The following NBAS variants were observed in gnomAD, a reference collection of about 807,000 sequenced individuals.
NBAS encodes the protein NBAS subunit of NRZ tethering complex, also known as NAG/BC035112 fusion.
A neutral mutation model predicts 302.5 loss-of-function variants in NBAS; 219 were observed. The ratio of observed to expected loss-of-function variants is 0.72; its 90% CI spans 0.65 to 0.81. The LOEUF is 0.81. Among genes scored for constraint, NBAS ranks in the 30% least tolerant of loss-of-function variants. NBAS has a pLI of 0.00. For missense variants in NBAS, 2,932 were observed against 2,841.6 expected (o/e 1.03, Z -0.72); for synonymous variants, 1,118 against 1,021.6 (o/e 1.09, Z -1.80).
In NBAS at chr2:15,440,681, G is replaced by A. The variant is rs900348573; in HGVS notation, c.2340-12887C>T. ...GGAGAATGACTTTGATGAGTTGAGA[G>A]AAGGCTTCAGATGATCCAACTACTC... On this transcript the variant is annotated intron_variant, in intron 21 of 51. Transcript: ENST00000281513. 3.3e-5 allele frequency among the ~76,000 whole-genome samples: 5 copies of A among 152,220 alleles called. No individual in the cohort carries two copies. In the South Asian group the frequency reaches 1.0e-3, roughly 32 times the overall value.
chr2:15,502,469 T>C (rs528905009), intron 11 of NBAS, among the ~76,000 whole-genome samples: 12 of 152,320 alleles, frequency 7.9e-5, no homozygotes, highest in African/African-American at 2.9e-4. Context: ...TGGGATAGCC[T>C]ACTACGCACC....
chr2:15,221,893 CTT>C (rs766534139), intron 47 of NBAS, among the ~76,000 whole-genome samples: 1 of 152,190 alleles, frequency 6.6e-6, no homozygotes, highest in Non-Finnish European at 1.5e-5. Flanking sequence ...CAGTTTAACT[CTT>C]TGACAGCACA....
intron 50 of NBAS, among the ~76,000 whole-genome samples, chr2:15,184,679 G>A (rs1349347070): frequency 6.6e-6 from 1 of 152,174 alleles, no homozygotes; most frequent in African/African-American, 2.4e-5. Flanking sequence ...CTCCTGCAGT[G>A]CAGTCTGGTA....
chr2:14,809,437 G>A, the NBAS span, among the ~76,000 whole-genome samples: 1 of 152,214 alleles, frequency 6.6e-6, no homozygotes, highest in Non-Finnish European at 1.5e-5. Flanking sequence ...TACAGCTTGG[G>A]CTGTTGCTTC....
At chr2:15,397,606 A>ACCG in intron 26 of NBAS, 1 of 601,556 alleles carries the variant, frequency 1.7e-6, no homozygotes, top group Admixed American at 2.0e-5. Flanking sequence ...CATAGGTTTC[A>ACCG]AAGACGCTCG....
chr2:14,826,159 C>G, the NBAS span, among the ~76,000 whole-genome samples: 3 of 152,146 alleles, frequency 2.0e-5, no homozygotes, highest in Non-Finnish European at 2.9e-5. Context: ...AAGTTCAGGG[C>G]TTCTCACTGG....
the NBAS span, among the ~76,000 whole-genome samples, chr2:14,925,071 T>C: frequency 6.6e-6 from 1 of 152,218 alleles, no homozygotes; most frequent in African/African-American, 2.4e-5. Flanking sequence ...TCCCAAGGCT[T>C]CATGAAATTA....
At chr2:15,433,208 A>G (rs1176630655) in intron 21 of NBAS, among the ~76,000 whole-genome samples, 1 of 152,216 alleles carries the variant, frequency 6.6e-6, no homozygotes, top group African/African-American at 2.4e-5. Context: ...CCTCTGGGTT[A>G]GAATTGTGAG....
chr2:14,863,295 G>A, the NBAS span, among the ~76,000 whole-genome samples: 2,291 of 152,294 alleles, frequency 0.015, 24 homozygotes, highest in Non-Finnish European at 0.023. Context: ...TCACTTGGGT[G>A]CAAGTGGGCT....
At chr2:15,484,288 AG>A (rs1167307855) in intron 12 of NBAS, among the ~76,000 whole-genome samples, 1 of 152,196 alleles carries the variant, frequency 6.6e-6, no homozygotes, top group Non-Finnish European at 1.5e-5. Context: ...CCCAGATAAA[AG>A]TCAATACTTC....
At chr2:15,546,615 G>C (rs1033653589) in intron 6 of NBAS, among the ~76,000 whole-genome samples, 3 of 152,226 alleles carry the variant, frequency 2.0e-5, no homozygotes, top group Admixed American at 6.5e-5. Flanking sequence ...TATAATCCCA[G>C]CTACTTGGAG....
chr2:15,007,448 AT>A, the NBAS span, among the ~76,000 whole-genome samples: 1 of 152,110 alleles, frequency 6.6e-6, no homozygotes, highest in Non-Finnish European at 1.5e-5. Flanking sequence ...TGCTCTCTTG[AT>A]TTTTAAACTT....
chr2:15,536,381 C>T (rs373041052), intron 8 of NBAS, 37 bp downstream of exon 8: 4 of 1,586,162 alleles, frequency 2.5e-6, no homozygotes, highest in Non-Finnish European at 2.6e-6. Flanking sequence ...GAGAAATAAA[C>T]ATTATTTCAA....
intron 50 of NBAS, 175 bp from the exon 51 acceptor site, chr2:15,179,291 G>T: frequency 3.4e-6 from 3 of 873,774 alleles, no homozygotes; most frequent in South Asian, 1.6e-5. Context: ...GCTTCACTTG[G>T]TTCACAGTAA....
At chr2:14,886,518 G>T in the NBAS span, 35 of 152,256 alleles carry the variant, frequency 2.3e-4, no homozygotes, top group African/African-American at 7.9e-4. Flanking sequence ...TTTCCTGAAG[G>T]CAGGGATGGT....
Position 15,190,335 on chromosome 2 carries a change from A to G in NBAS, c.6501T>C (p.Ser2167=), listed in dbSNP as rs544367086. 7.4e-6 allele frequency: 12 copies of G among 1,614,044 alleles called. No individual in the cohort carries two copies. In the South Asian group the frequency reaches 1.1e-4, roughly 15 times the overall value. Residue 2167 remains serine, a synonymous_variant, in exon 49 of 52, where the codon AGT becomes AGC. Transcript: ENST00000281513. ...AGTGCTGAAATTCAGCCTCGTGGTG[A>G]CTAGATTCCAGGAGTTCCATGAATA... ...YCLFMELLES[S]HHEAEFQHLV...
chr2:15,433,626 G>A (rs1677867416), intron 21 of NBAS, among the ~76,000 whole-genome samples: 1 of 152,162 alleles, frequency 6.6e-6, no homozygotes, highest in Non-Finnish European at 1.5e-5. Flanking sequence ...GATTTATGAA[G>A]TAGAAAAAAG....
At chr2:15,144,618 TTA>T in the NBAS span, among the ~76,000 whole-genome samples, 1 of 152,156 alleles carries the variant, frequency 6.6e-6, no homozygotes, top group Non-Finnish European at 1.5e-5. Flanking sequence ...TGGCCACTTT[TTA>T]TCGAACACAT....
chr2:15,294,917 T>A (rs978427218), intron 40 of NBAS, among the ~76,000 whole-genome samples: 3 of 152,202 alleles, frequency 2.0e-5, no homozygotes, highest in Admixed American at 2.0e-4. Context: ...ACTTGCTGAA[T>A]ATACCTTGAA....
Sources: gnomAD v4.1 joint callset for allele counts (sites outside exome capture counted in the v4.1 genomes callset) on GRCh38, gnomAD v4.1.1 for gene constraint, MANE v1.5 for transcripts, NCBI Gene and HGNC (gene_info 2026-07-23, HGNC 2026-07-21) for gene names.